Variants in CAMK1D observed in about 807,000 individuals in gnomAD.
CAMK1D encodes calcium/calmodulin dependent protein kinase ID, also known as calcium/calmodulin-dependent protein kinase type 1D.
In CAMK1D, 9 loss-of-function variants were observed where a neutral mutation model predicts 47.7. The ratio of observed to expected loss-of-function variants is 0.19; its 90% CI spans 0.11 to 0.33. The LOEUF (loss-of-function observed/expected upper bound fraction) is 0.33. Ranked by LOEUF, CAMK1D falls within the 10% of genes least tolerant of loss-of-function variation. The pLI, the probability that CAMK1D is intolerant of heterozygous loss-of-function variation, is 1.00. For missense variants in CAMK1D, 291 were observed against 488.7 expected (o/e 0.60, Z 3.81); for synonymous variants, 184 against 184.9 (o/e 0.99, Z 0.04).
chr10:12,666,721 T>TG lies in CAMK1D; in HGVS notation c.225-15_225-14insG. 1 of 1,588,724 alleles carries TG rather than the reference T, an allele frequency of 6.3e-7. No individual in the cohort carries two copies. The highest frequency in any genetic ancestry group is 8.6e-7 in the Non-Finnish European group (1 of 1,158,116). On this transcript the variant is annotated splice_polypyrimidine_tract_variant and intron_variant, in intron 2 of 10. Transcript: ENST00000619168. ...AATCATACTCACTATTTTGTGCGTCTATTTTTTTTTTCAGGATTAAGCATG... is the reference window on the plus strand; with the variant it reads ...AATCATACTCACTATTTTGTGCGTCTGATTTTTTTTTTCAGGATTAAGCATG...
intron 1 of CAMK1D, among the ~76,000 whole-genome samples, chr10:12,415,006 T>G (rs1186114423): frequency 6.6e-6 from 1 of 152,220 alleles, no homozygotes; most frequent in Non-Finnish European, 1.5e-5. Context: ...TTTTCTTTTA[T>G]AGATCCGTTA....
intron 5 of CAMK1D, among the ~76,000 whole-genome samples, chr10:12,788,927 T>C (rs947024549): frequency 6.6e-6 from 1 of 152,198 alleles, no homozygotes; most frequent in Non-Finnish European, 1.5e-5. Context: ...AAAATAAAAA[T>C]CTGATAGAAA....
Position 12,734,364 on chromosome 10 carries a change from A to ATC in CAMK1D, c.300-26583_300-26582insCT, listed in dbSNP as rs1835049117. On this transcript the variant is annotated intron_variant, in intron 3 of 10. Transcript: ENST00000619168. ...AAAAAAAATATATATATATATATAT[A>ATC]TATATATATATATAGATATAGATAT... 3.7e-4 allele frequency among the ~76,000 whole-genome samples: 6 copies of ATC among 16,112 alleles called. No homozygotes were observed. The South Asian group carries it at 6.7e-3, about 18-fold the overall frequency. 10.6% of individuals were successfully genotyped at this position (16,112 alleles called of 152,430 possible).
chr10:12,783,092 A>G (rs1404907840), intron 5 of CAMK1D, among the ~76,000 whole-genome samples: 1 of 150,564 alleles, frequency 6.6e-6, no homozygotes, highest in Non-Finnish European at 1.5e-5. Context: ...TCCTCGGTCC[A>G]AGCAGTTCTC....
At position 12,617,709 on chromosome 10, in the gene CAMK1D, G is replaced by GT. The variant is rs1341270787; in HGVS notation, c.225-49021dup. On this transcript the variant is annotated intron_variant, in intron 2 of 10. Transcript: ENST00000619168. ...AGTTGCTGAGATACCTGCCGGGTTA[G>GT]TTTTTTCTCCTCCAGATTGCATGTC... is the stretch of plus-strand genomic sequence containing the variant. 5.3e-5 allele frequency among the ~76,000 whole-genome samples: 8 copies of GT among 152,082 alleles called. No individual in the cohort carries two copies. In the East Asian group the frequency reaches 1.2e-3, roughly 22 times the overall value.
chr10:12,652,796 A>C (rs1840015331), intron 2 of CAMK1D, among the ~76,000 whole-genome samples: 1 of 152,218 alleles, frequency 6.6e-6, no homozygotes, highest in African/African-American at 2.4e-5. Flanking sequence ...ACAATGATCT[A>C]TCATAAAACT....
At chr10:12,459,713 C>T (rs566123226) in intron 1 of CAMK1D, among the ~76,000 whole-genome samples, 5 of 152,128 alleles carry the variant, frequency 3.3e-5, no homozygotes, top group South Asian at 4.1e-4. Flanking sequence ...TTTCTGAATT[C>T]GATGAAAGAT....
chr10:12,623,723 C>T (rs578070385), intron 2 of CAMK1D, among the ~76,000 whole-genome samples: 1 of 151,806 alleles, frequency 6.6e-6, no homozygotes, highest in South Asian at 2.1e-4. Flanking sequence ...TTTTTTCCCC[C>T]CCAAAATAGC....
chr10:12,379,582 G>A (rs186658422), intron 1 of CAMK1D, among the ~76,000 whole-genome samples: 1 of 151,990 alleles, frequency 6.6e-6, no homozygotes, highest in Non-Finnish European at 1.5e-5. Context: ...GTGAAACCCT[G>A]TCTCTACTAA....
intron 3 of CAMK1D, among the ~76,000 whole-genome samples, chr10:12,738,148 A>G (rs1264776790): frequency 6.6e-6 from 1 of 152,222 alleles, no homozygotes; most frequent in Non-Finnish European, 1.5e-5. Context: ...TGTGGAAAAT[A>G]TAATTAAAAG....
intron 1 of CAMK1D, among the ~76,000 whole-genome samples, chr10:12,437,123 C>T (rs1195922005): frequency 5.3e-5 from 6 of 113,300 alleles, no homozygotes; most frequent in Non-Finnish European, 5.7e-5. Flanking sequence ...ATTTTTTTTT[C>T]TTAAACAGAC....
At chr10:12,763,570 G>A (rs1588898070) in intron 4 of CAMK1D, among the ~76,000 whole-genome samples, 1 of 152,186 alleles carries the variant, frequency 6.6e-6, no homozygotes. Flanking sequence ...GTGGGATTTA[G>A]AGCAGCATCC....
At chr10:12,414,223 C>T (rs543273558) in intron 1 of CAMK1D, among the ~76,000 whole-genome samples, 26 of 152,242 alleles carry the variant, frequency 1.7e-4, no homozygotes, top group African/African-American at 5.8e-4. Flanking sequence ...AGGAGGCATG[C>T]GTTTATTAGT....
chr10:12,355,509 G>C (rs78606704), intron 1 of CAMK1D, among the ~76,000 whole-genome samples: 2 of 95,014 alleles, frequency 2.1e-5, no homozygotes, highest in African/African-American at 3.8e-5. Flanking sequence ...TGTGTGGTGG[G>C]GGAGAGAATG....
intron 2 of CAMK1D, among the ~76,000 whole-genome samples, chr10:12,596,630 G>C (rs4750242): frequency 0.011 from 1,681 of 152,224 alleles, 72 homozygotes; most frequent in Admixed American, 0.072. Flanking sequence ...GAGAGGTATT[G>C]AAACTTAGGG....
intron 1 of CAMK1D, among the ~76,000 whole-genome samples, chr10:12,468,301 A>G (rs548670445): frequency 6.6e-6 from 1 of 152,298 alleles, no homozygotes; most frequent in African/African-American, 2.4e-5. Flanking sequence ...GGCTCAAGCA[A>G]TCTGCGTGCC....
intron 3 of CAMK1D, chr10:12,760,627 G>A (rs1190846178): frequency 9.4e-6 from 2 of 212,980 alleles, no homozygotes; most frequent in South Asian, 1.1e-4. Context: ...TCCTGTATCC[G>A]AGGACGCTGG....
chr10:12,563,041 G>A (rs1371449813), intron 2 of CAMK1D, among the ~76,000 whole-genome samples: 1 of 152,184 alleles, frequency 6.6e-6, no homozygotes. Flanking sequence ...TTATTATGAG[G>A]TATTGGCTCA....
In CAMK1D at chr10:12,824,551, G is replaced by A. The variant is rs748766971; in HGVS notation, c.920G>A (p.Arg307Lys). The A allele has an allele frequency of 7.4e-6, 12 of 1,612,806 alleles. No homozygotes were observed. In the South Asian group the frequency reaches 1.1e-4, roughly 15 times the overall value. The part of the protein sequence containing the change: ...IRKNFAKSKW[R>K]QAFNATAVVR... ...AAAAACTTTGCCAAGAGCAAATGGA[G>A]AGTAAGTGTGGAGTATATGAAATTC... Residue 307 changes from arginine (R) to lysine (K), a missense_variant and splice_region_variant, in exon 9 of 11, where the codon AGA becomes AAA. Arg to Lys is a conservative substitution (Grantham distance 26). This residue lies in a region of CAMK1D where 219 missense variants were observed against 424.3 expected (regional missense o/e 0.52). Transcript: ENST00000619168.
Sources: allele counts gnomAD v4.1 joint callset (sites outside exome capture counted in the v4.1 genomes callset), GRCh38; gene constraint gnomAD v4.1.1; regional missense constraint gnomAD v4.1.1; transcripts MANE v1.5; gene names NCBI Gene and HGNC (gene_info 2026-07-23, HGNC 2026-07-21).